The following ZBTB20 variants were observed in gnomAD, a reference collection of about 807,000 sequenced individuals.
The protein encoded by ZBTB20 is zinc finger and BTB domain-containing protein 20.
ZBTB20 carries 9 observed loss-of-function variants against 56.9 expected under a neutral mutation model. That is an observed-to-expected ratio of 0.16 (90% CI 0.10 to 0.28). The LOEUF (loss-of-function observed/expected upper bound fraction) is 0.28, where lower values mean the gene tolerates loss of function less well. Ranked by LOEUF, ZBTB20 falls within the 10% of genes least tolerant of loss-of-function variation. The pLI is 1.00. For synonymous variants in ZBTB20, 417 were observed against 420.7 expected (o/e 0.99, Z 0.11); for missense variants, 655 against 1,003.0 (o/e 0.65, Z 4.69).
chr3:114,727,336 A>C (rs1302664829), intron 5 of ZBTB20, among the ~76,000 whole-genome samples: 1 of 152,216 alleles, frequency 6.6e-6, no homozygotes, highest in African/African-American at 2.4e-5. Context: ...TTCATGTTGA[A>C]CATTTTGTAC....
At chr3:114,640,014 T>A (rs1318192534) in intron 6 of ZBTB20, among the ~76,000 whole-genome samples, 1 of 151,816 alleles carries the variant, frequency 6.6e-6, no homozygotes, top group Admixed American at 6.6e-5. Flanking sequence ...GTAGTTTAAT[T>A]TTTTTTTATC....
At chr3:114,347,713 G>T (rs1023434900) in intron 11 of ZBTB20, among the ~76,000 whole-genome samples, 7 of 152,150 alleles carry the variant, frequency 4.6e-5, no homozygotes, top group Admixed American at 4.6e-4. Context: ...AGTCTTGAAA[G>T]ACTGATAGGA....
At chr3:114,701,050 C>T (rs542873155) in intron 5 of ZBTB20, among the ~76,000 whole-genome samples, 5 of 152,268 alleles carry the variant, frequency 3.3e-5, no homozygotes, top group African/African-American at 1.2e-4. Context: ...TGAGCTTAAT[C>T]TAGAGTGAGC....
intron 1 of ZBTB20, among the ~76,000 whole-genome samples, chr3:115,127,874 A>C (rs1351449889): frequency 6.6e-6 from 1 of 152,214 alleles, no homozygotes; most frequent in African/African-American, 2.4e-5. Flanking sequence ...AATGAAAGAC[A>C]CTTCTTTCCT....
intron 1 of ZBTB20, among the ~76,000 whole-genome samples, chr3:115,072,201 C>A (rs1252910870): frequency 3.3e-5 from 5 of 152,004 alleles, no homozygotes; most frequent in Non-Finnish European, 7.4e-5. Context: ...CATAAGAGAC[C>A]ATATTATATA....
chr3:114,751,809 T>A (rs1241748840), intron 5 of ZBTB20, among the ~76,000 whole-genome samples: 1 of 152,198 alleles, frequency 6.6e-6, no homozygotes, highest in Non-Finnish European at 1.5e-5. Flanking sequence ...ATTTATCTAC[T>A]GAGCTAAATC....
chr3:115,107,619 C>G (rs2083760407), intron 1 of ZBTB20, among the ~76,000 whole-genome samples: 2 of 152,142 alleles, frequency 1.3e-5, no homozygotes, highest in Non-Finnish European at 2.9e-5. Context: ...GAAATGCCAT[C>G]TGACCCCACA....
At chr3:114,414,071 T>A (rs1440844921) in intron 7 of ZBTB20, among the ~76,000 whole-genome samples, 1 of 152,162 alleles carries the variant, frequency 6.6e-6, no homozygotes, top group Non-Finnish European at 1.5e-5. Flanking sequence ...ACATTAAAGA[T>A]GTCTCCAGCT....
chr3:114,766,489 A>ATGTGTG (rs71297433), intron 5 of ZBTB20, among the ~76,000 whole-genome samples: 4,997 of 138,998 alleles, frequency 0.036, 126 homozygotes, highest in African/African-American at 0.058. Context: ...TGGGATGGAA[A>ATGTGTG]TGTGTGTGTG....
chr3:114,703,320 A>G (rs561661520), intron 5 of ZBTB20, among the ~76,000 whole-genome samples: 15 of 152,192 alleles, frequency 9.9e-5, no homozygotes, highest in Non-Finnish European at 1.5e-4. Context: ...CTAATGACAG[A>G]AAAAGCAATT....
intron 7 of ZBTB20, among the ~76,000 whole-genome samples, chr3:114,415,684 A>G (rs1054493593): frequency 6.6e-6 from 1 of 152,082 alleles, no homozygotes; most frequent in Non-Finnish European, 1.5e-5. Flanking sequence ...TTCATAGTCA[A>G]GGATTCTAAT....
At chr3:115,115,982 C>T (rs2084007361) in intron 1 of ZBTB20, among the ~76,000 whole-genome samples, 1 of 152,000 alleles carries the variant, frequency 6.6e-6, no homozygotes, top group Non-Finnish European at 1.5e-5. Context: ...ATTGTTCTTA[C>T]TTTATAATGT....
chr3:115,134,680 G>T (rs1204076027), intron 1 of ZBTB20, among the ~76,000 whole-genome samples: 1 of 151,984 alleles, frequency 6.6e-6, no homozygotes, highest in Non-Finnish European at 1.5e-5. Flanking sequence ...CCCAATTTTT[G>T]TTTTCAAATT....
rs534320028 is a variant in ZBTB20, at chr3:115,103,669, C to G, written c.-702-32255G>C. On this transcript the variant is annotated intron_variant, in intron 1 of 11. Coordinates refer to ENST00000675478, the MANE Select transcript of ZBTB20 (RefSeq NM_001348800.3). ...CTACATGCAAAAAAATAAATCCAGA[C>G]GCAGACTTTACACTCTTCACATAAA... 1.4e-4 allele frequency among the ~76,000 whole-genome samples: 21 copies of G among 152,276 alleles called. No homozygotes were observed. The South Asian group carries it at 4.3e-3, about 32-fold the overall frequency.
chr3:114,549,363 C>T (rs1393576832), intron 6 of ZBTB20, among the ~76,000 whole-genome samples: 5 of 152,160 alleles, frequency 3.3e-5, no homozygotes, highest in Non-Finnish European at 5.9e-5. Context: ...CTTCTTCTAT[C>T]AGCCCTATGT....
chr3:114,928,151 A>G (rs1027617516), intron 3 of ZBTB20, among the ~76,000 whole-genome samples: 2 of 152,178 alleles, frequency 1.3e-5, no homozygotes, highest in African/African-American at 2.4e-5. Context: ...ACATAACTTT[A>G]TCCCTTCGTT....
At chr3:114,515,086 C>T (rs977566738) in intron 6 of ZBTB20, among the ~76,000 whole-genome samples, 1 of 152,182 alleles carries the variant, frequency 6.6e-6, no homozygotes, top group Non-Finnish European at 1.5e-5. Flanking sequence ...CAGTCTATGC[C>T]CTGTAATGTG....
At chr3:115,141,264 T>C (rs146187933) in intron 1 of ZBTB20, among the ~76,000 whole-genome samples, 152 of 152,304 alleles carry the variant, frequency 1.0e-3, no homozygotes, top group Admixed American at 2.9e-3. Flanking sequence ...CAATCTGCTG[T>C]TTCAATTTCA....
chr3:114,370,144 A>C (rs2082843922), intron 10 of ZBTB20, among the ~76,000 whole-genome samples: 2 of 152,114 alleles, frequency 1.3e-5, no homozygotes, highest in Non-Finnish European at 2.9e-5. Context: ...TGGAAGATCT[A>C]ATTCCTTCTC....
Sources: allele counts gnomAD v4.1 joint callset (sites outside exome capture counted in the v4.1 genomes callset), GRCh38; gene constraint gnomAD v4.1.1; transcripts MANE v1.5; gene names NCBI Gene and HGNC (gene_info 2026-07-23, HGNC 2026-07-21).